ADAMTS19: variants seen among roughly 807,000 people sequenced by gnomAD.
ADAMTS19 encodes the protein ADAM metallopeptidase with thrombospondin type 1 motif 19, also known as A disintegrin and metalloproteinase with thrombospondin motifs 19.
ADAMTS19 carries 93 observed loss-of-function variants against 153.3 expected under a neutral mutation model. That is an observed-to-expected ratio of 0.61 (90% CI 0.51 to 0.72). The LOEUF (loss-of-function observed/expected upper bound fraction) is 0.72. ADAMTS19 is among the 30% of genes least tolerant of loss of function. The pLI is 0.00. For missense variants in ADAMTS19, 1,482 were observed against 1,552.1 expected (o/e 0.95, Z 0.76); for synonymous variants, 600 against 556.6 (o/e 1.08, Z -1.10).
At chr5:129,605,841 ACTGT>A (rs1174044989) in intron 8 of ADAMTS19, among the ~76,000 whole-genome samples, 3 of 152,140 alleles carry the variant, frequency 2.0e-5, no homozygotes, top group Non-Finnish European at 4.4e-5. Flanking sequence ...TGATAATTAG[ACTGT>A]CTACTTCCTA....
intron 6 of ADAMTS19, among the ~76,000 whole-genome samples, chr5:129,548,485 G>C (rs988677320): frequency 8.3e-4 from 127 of 152,126 alleles, no homozygotes; most frequent in South Asian, 1.2e-3. Context: ...GATACCATCT[G>C]ACACCAGTTA....
intron 16 of ADAMTS19, among the ~76,000 whole-genome samples, chr5:129,672,558 A>G (rs1024591481): frequency 2.0e-5 from 3 of 152,204 alleles, no homozygotes; most frequent in African/African-American, 4.8e-5. Context: ...GCATAAAGCA[A>G]GAACTCTAAA....
intron 6 of ADAMTS19, among the ~76,000 whole-genome samples, chr5:129,532,930 C>T (rs1752263406): frequency 6.6e-6 from 1 of 152,140 alleles, no homozygotes; most frequent in African/African-American, 2.4e-5. Flanking sequence ...TGGTAAAACC[C>T]TGTCTCTACC....
rs1756048089 is a variant in ADAMTS19 at position 129,704,350 on chromosome 5, T to A, written c.3271T>A (p.Tyr1091Asn). 1 of 1,614,078 alleles carries A rather than the reference T, an allele frequency of 6.2e-7. No individual in the cohort carries two copies. ...RPREAEDCED[Y>N]SKCYVWRMGD... The stretch of plus-strand genomic sequence containing the variant: ...CAGGGAGGCTGAAGACTGTGAGGAT[T>A]ATTCAAAATGCTATGTGTGGCGAAT... The change falls in exon 21 of 23, where the codon TAT becomes AAT. Residue 1091 changes from tyrosine (Y) to asparagine (N), a missense_variant. Tyr to Asn is a moderately radical substitution (Grantham distance 143). Transcript: ENST00000274487.
intron 10 of ADAMTS19, among the ~76,000 whole-genome samples, chr5:129,626,333 A>G (rs530888789): frequency 4.7e-4 from 71 of 152,222 alleles, no homozygotes; most frequent in African/African-American, 1.7e-3. Context: ...ATCAGTTTTA[A>G]CCAGTATCTT....
intron 6 of ADAMTS19, among the ~76,000 whole-genome samples, chr5:129,542,093 A>G (rs186645864): frequency 1.4e-3 from 210 of 152,228 alleles, no homozygotes; most frequent in Non-Finnish European, 1.9e-3. Context: ...ACTTTGCCTA[A>G]GTTGAGCAAC....
chr5:129,605,357 A>G (rs892099182), intron 8 of ADAMTS19, among the ~76,000 whole-genome samples: 2 of 152,068 alleles, frequency 1.3e-5, no homozygotes, highest in Admixed American at 6.6e-5. Flanking sequence ...CTCCAGATTC[A>G]TTGCCTCTTT....
intron 10 of ADAMTS19, among the ~76,000 whole-genome samples, chr5:129,635,745 G>C (rs1254204107): frequency 6.6e-6 from 1 of 152,138 alleles, no homozygotes; most frequent in African/African-American, 2.4e-5. Context: ...AGAAGGTGGA[G>C]GCTGGGAGGA....
intron 7 of ADAMTS19, among the ~76,000 whole-genome samples, chr5:129,577,236 C>G (rs1326523188): frequency 2.6e-5 from 4 of 152,080 alleles, no homozygotes; most frequent in Admixed American, 2.6e-4. Flanking sequence ...CTACACTGTA[C>G]GAAACATACC....
chr5:129,676,364 CTTTA>C (rs1388627007), intron 16 of ADAMTS19, among the ~76,000 whole-genome samples: 2 of 152,108 alleles, frequency 1.3e-5, no homozygotes, highest in Non-Finnish European at 2.9e-5. Flanking sequence ...ATTAGTTTAA[CTTTA>C]TTTCTTATAT....
At chr5:129,644,947 A>G (rs1487903554) in intron 11 of ADAMTS19, among the ~76,000 whole-genome samples, 2 of 152,204 alleles carry the variant, frequency 1.3e-5, no homozygotes, top group Non-Finnish European at 2.9e-5. Context: ...GCATATGTAC[A>G]CAGCTTTTTC....
chr5:129,574,568 T>C (rs1754034184), intron 7 of ADAMTS19, among the ~76,000 whole-genome samples: 1 of 152,098 alleles, frequency 6.6e-6, no homozygotes, highest in African/African-American at 2.4e-5. Context: ...GTCACAGATT[T>C]AAAACTGAGG....
intron 3 of ADAMTS19, among the ~76,000 whole-genome samples, chr5:129,519,528 C>T (rs930044033): frequency 6.6e-6 from 1 of 151,986 alleles, no homozygotes; most frequent in Non-Finnish European, 1.5e-5. Context: ...GTCTCTAGCA[C>T]TTGCCTAAGA....
intron 21 of ADAMTS19, among the ~76,000 whole-genome samples, chr5:129,723,943 T>C (rs1344187351): frequency 6.6e-6 from 1 of 152,228 alleles, no homozygotes; most frequent in Admixed American, 6.5e-5. Flanking sequence ...GATGTTCTGA[T>C]TGGCAATTGA....
At chr5:129,580,560 GC>G (rs1749463664) in intron 7 of ADAMTS19, among the ~76,000 whole-genome samples, 1 of 152,122 alleles carries the variant, frequency 6.6e-6, no homozygotes, top group Non-Finnish European at 1.5e-5. Context: ...TATGATATTG[GC>G]AGTGGGTTTT....
rs1754626308 is a variant in ADAMTS19, at chr5:129,677,999, G to A, written c.2507-1765G>A. Among the ~76,000 whole-genome samples the A allele has an allele frequency of 2.6e-5, 4 of 152,104 alleles. No homozygotes were observed. The South Asian group carries it at 8.3e-4, about 32-fold the overall frequency. ...AGCTAATTTTTGTATATTTTGTAGA[G>A]ATGGGGTTTTGCCATGTTGTCCAGA... On this transcript the variant is annotated intron_variant, in intron 16 of 22. Transcript: ENST00000274487.
chr5:129,540,807 C>G (rs1412030527), intron 6 of ADAMTS19, among the ~76,000 whole-genome samples: 3 of 151,948 alleles, frequency 2.0e-5, no homozygotes, highest in African/African-American at 7.2e-5. Context: ...TAAATCAGAA[C>G]TTAGGCAAAA....
At chr5:129,695,593 G>A (rs73233658) in intron 19 of ADAMTS19, among the ~76,000 whole-genome samples, 1 of 152,152 alleles carries the variant, frequency 6.6e-6, no homozygotes, top group East Asian at 1.9e-4. Flanking sequence ...TAGCAACGAG[G>A]CTACTTGGCA....
intron 2 of ADAMTS19, among the ~76,000 whole-genome samples, chr5:129,503,110 T>G (rs1185429532): frequency 6.6e-6 from 1 of 152,212 alleles, no homozygotes; most frequent in East Asian, 1.9e-4. Flanking sequence ...GTTCACATAG[T>G]AAAAGCTTGT....
Sources: allele counts gnomAD v4.1 joint callset (sites outside exome capture counted in the v4.1 genomes callset), GRCh38; gene constraint gnomAD v4.1.1; transcripts MANE v1.5; gene names NCBI Gene and HGNC (gene_info 2026-07-23, HGNC 2026-07-21).